ELP4: variants seen among roughly 807,000 people sequenced by gnomAD.
ELP4 encodes elongator complex protein 4.
ELP4 carries 51 observed loss-of-function variants against 48.9 expected under a neutral mutation model. The observed-to-expected ratio is 1.04, with a 90% CI of 0.83 to 1.32. ELP4 has a LOEUF of 1.32. Ranked by LOEUF, ELP4 falls within the 40% of genes most tolerant of loss-of-function variation. The pLI, the probability that ELP4 is intolerant of heterozygous loss-of-function variation, is 0.00. For synonymous variants in ELP4, 210 were observed against 189.2 expected (o/e 1.11, Z -0.90); for missense variants, 519 against 514.6 (o/e 1.01, Z -0.08).
intron 7 of ELP4, among the ~76,000 whole-genome samples, chr11:31,640,640 T>A (rs1945075542): frequency 6.6e-6 from 1 of 151,928 alleles, no homozygotes; most frequent in Admixed American, 6.6e-5. Context: ...TGTAACCTCT[T>A]TTTCTTCCAG....
Position 31,627,124 on chromosome 11 carries a change from G to A in ELP4, c.668G>A (p.Gly223Asp). Residue 223 changes from glycine to aspartate, a missense_variant, in exon 6 of 10, where the codon GGC becomes GAC. Gly to Asp is a moderately conservative substitution (Grantham distance 94, BLOSUM62 -1). Coordinates refer to ENST00000640961, the MANE Select transcript of ELP4 (RefSeq NM_019040.5). ...LKVEPCSLTPGYTKLLQFIQN... is the reference protein window; with the variant it reads ...LKVEPCSLTPDYTKLLQFIQN... The stretch of plus-strand genomic sequence containing the variant: ...TTTACCAACAGTTCTTTGACCCCTG[G>A]CTACACAAAGCTGCTTCAGTTTATC... The A allele has an allele frequency of 1.2e-6, 2 of 1,606,738 alleles. No individual in the cohort carries two copies. Among genetic ancestry groups the A allele is most frequent in the South Asian group, 1.1e-5 (1 of 89,998 alleles).
intron 7 of ELP4, among the ~76,000 whole-genome samples, chr11:31,637,614 T>C (rs1409948783): frequency 2.6e-5 from 4 of 151,986 alleles, no homozygotes; most frequent in Non-Finnish European, 5.9e-5. Flanking sequence ...TAATGAGTTA[T>C]CTTTTTCTTT....
At position 31,610,663 on chromosome 11, in the gene ELP4, C is replaced by A. The variant is rs12288208; in HGVS notation, c.653+6756C>A. On this transcript the variant is annotated intron_variant, in intron 5 of 9. Coordinates refer to ENST00000640961, the MANE Select transcript of ELP4 (RefSeq NM_019040.5). ...GAGAGTGGCTGGGCCTCATTTTGAC[C>A]AATGGAGAGAAACTGCTTGCTTGCA... 2.4e-3 allele frequency among the ~76,000 whole-genome samples: 358 copies of A among 152,260 alleles called. 4 individuals are homozygous for A. The highest frequency in any genetic ancestry group is 8.3e-3 in the African/African-American group (345 of 41,560).
chr11:31,518,674 A>C (rs1043038423), intron 1 of ELP4, among the ~76,000 whole-genome samples: 1 of 151,662 alleles, frequency 6.6e-6, no homozygotes, highest in African/African-American at 2.4e-5. Context: ...AGGCAGGTGA[A>C]TCACGAGGTC....
chr11:31,634,891 C>CT (rs1565089540), intron 7 of ELP4, among the ~76,000 whole-genome samples: 1 of 151,926 alleles, frequency 6.6e-6, no homozygotes, highest in East Asian at 1.9e-4. Context: ...CAGAGAATGT[C>CT]TTTTTTTAAA....
At chr11:31,659,560 T>C (rs1203023736) in intron 9 of ELP4, among the ~76,000 whole-genome samples, 2 of 152,178 alleles carry the variant, frequency 1.3e-5, no homozygotes, top group African/African-American at 4.8e-5. Flanking sequence ...TATTGCTCAA[T>C]ATAAATGATA....
intron 4 of ELP4, among the ~76,000 whole-genome samples, chr11:31,597,735 C>A (rs1957698059): frequency 6.6e-6 from 1 of 151,350 alleles, no homozygotes; most frequent in Admixed American, 6.6e-5. Context: ...CCACGCCAGG[C>A]TAGCTTTTGT....
At chr11:31,735,433 C>G (rs993355667) in intron 9 of ELP4, among the ~76,000 whole-genome samples, 2 of 152,180 alleles carry the variant, frequency 1.3e-5, no homozygotes, top group Non-Finnish European at 2.9e-5. Context: ...GATGCCCTCT[C>G]TCACCACTCC....
intron 9 of ELP4, chr11:31,719,918 A>G (rs965011760): frequency 6.4e-6 from 1 of 155,202 alleles, no homozygotes; most frequent in African/African-American, 2.4e-5. Context: ...ATATTCTCTT[A>G]TATCTGAAAT....
chr11:31,655,759 G>A (rs1298271141), intron 9 of ELP4, among the ~76,000 whole-genome samples: 2 of 151,970 alleles, frequency 1.3e-5, no homozygotes. Context: ...CTAGACACAT[G>A]CTAAAAGTAT....
chr11:31,557,492 T>C (rs1956948890), intron 3 of ELP4, among the ~76,000 whole-genome samples: 1 of 152,056 alleles, frequency 6.6e-6, no homozygotes, highest in Admixed American at 6.6e-5. Flanking sequence ...ACCTATCTGT[T>C]ATTCACTGAA....
chr11:31,603,512 TA>T (rs1207185690), intron 4 of ELP4, among the ~76,000 whole-genome samples: 1 of 151,834 alleles, frequency 6.6e-6, no homozygotes, highest in Non-Finnish European at 1.5e-5. Flanking sequence ...AAGAGGTTTG[TA>T]AATTCTTGTC....
Position 31,741,005 on chromosome 11 carries a change from A to G in ELP4, c.1144-42388A>G, listed in dbSNP as rs915042061. Among the ~76,000 whole-genome samples, 12 of 152,306 alleles carry G rather than the reference A, an allele frequency of 7.9e-5. No individual in the cohort carries two copies. The East Asian group carries it at 2.3e-3, about 29-fold the overall frequency. On this transcript the variant is annotated intron_variant, in intron 9 of 9. Transcript: ENST00000640961. The stretch of plus-strand genomic sequence containing the variant: ...CCTTTCCTAGTCAAAGAAAGCGGTG[A>G]CAGACGGCACCTGGAAAATCGGGTC...
intron 9 of ELP4, among the ~76,000 whole-genome samples, chr11:31,664,910 A>G (rs1324129970): frequency 6.6e-6 from 1 of 152,166 alleles, no homozygotes; most frequent in Non-Finnish European, 1.5e-5. Context: ...TGCGCAATTA[A>G]TAATGTGTGA....
In ELP4 at chr11:31,593,227, CTGT is replaced by C. The variant is rs61458094; in HGVS notation, c.382-1502_382-1500del. Reference sequence around the variant, plus strand: ...CAACAACCCATTGAAGTGAATAATACTGTTGTTGTTGTTGTTGTTGTTGTTGTT... The same window carrying C: ...CAACAACCCATTGAAGTGAATAATACTGTTGTTGTTGTTGTTGTTGTTGTT... On this transcript the variant is annotated intron_variant, in intron 3 of 9. Coordinates refer to ENST00000640961, the MANE Select transcript of ELP4 (RefSeq NM_019040.5). 2.4e-3 allele frequency among the ~76,000 whole-genome samples: 360 copies of C among 150,018 alleles called. 2 individuals are homozygous for C. The highest frequency in any genetic ancestry group is 7.7e-3 in the South Asian group (36 of 4,686).
At chr11:31,630,479 C>T (rs1944839790) in intron 6 of ELP4, among the ~76,000 whole-genome samples, 1 of 151,830 alleles carries the variant, frequency 6.6e-6, no homozygotes, top group Non-Finnish European at 1.5e-5. Flanking sequence ...CAGGTGCGCA[C>T]CACCACACCC....
intron 4 of ELP4, among the ~76,000 whole-genome samples, chr11:31,602,292 G>A (rs1957798681): frequency 6.6e-6 from 1 of 151,998 alleles, no homozygotes; most frequent in African/African-American, 2.4e-5. Context: ...CCAAAGAACA[G>A]ACCTTGTTTA....
chr11:31,678,430 G>C (rs1945976081), intron 9 of ELP4, among the ~76,000 whole-genome samples: 1 of 151,850 alleles, frequency 6.6e-6, no homozygotes, highest in South Asian at 2.1e-4. Flanking sequence ...CAGCCTAGGT[G>C]ACATATCAAG....
At chr11:31,550,184 GAT>G (rs1281587857) in intron 3 of ELP4, among the ~76,000 whole-genome samples, 3 of 151,532 alleles carry the variant, frequency 2.0e-5, no homozygotes, top group African/African-American at 7.3e-5. Flanking sequence ...TCTAAACAAA[GAT>G]ATCAGAAGGA....
Sources: allele counts gnomAD v4.1 joint callset (sites outside exome capture counted in the v4.1 genomes callset), GRCh38; gene constraint gnomAD v4.1.1; transcripts MANE v1.5; gene names NCBI Gene and HGNC (gene_info 2026-07-23, HGNC 2026-07-21).